RGS12: variants seen among roughly 807,000 people sequenced by gnomAD.
RGS12 encodes regulator of G protein signaling 12, also known as regulator of G-protein signaling 12.
RGS12 carries 66 observed loss-of-function variants against 120.1 expected under a neutral mutation model. The ratio of observed to expected loss-of-function variants is 0.55; its 90% CI spans 0.45 to 0.67. The LOEUF is 0.67. Among genes scored for constraint, RGS12 ranks in the 30% least tolerant of loss-of-function variants. RGS12 has a pLI of 0.00. For synonymous variants in RGS12, 827 were observed against 804.7 expected (o/e 1.03, Z -0.47); for missense variants, 1,859 against 1,957.7 (o/e 0.95, Z 0.95).
chr4:3,386,459 A>G (rs775361867), intron 4 of RGS12, 22 bp downstream of exon 4: 2 of 1,593,930 alleles, frequency 1.3e-6, no homozygotes, highest in Non-Finnish European at 1.7e-6. Flanking sequence ...TTTCTGATGT[A>G]TATATTTTTT....
chr4:3,437,018 G>C (rs999640419), intron 17 of RGS12, among the ~76,000 whole-genome samples: 1 of 152,202 alleles, frequency 6.6e-6, no homozygotes, highest in Non-Finnish European at 1.5e-5. Context: ...CCCTCTGGAG[G>C]TGGTGCAGGC....
intron 13 of RGS12, 60 bp from the exon 14 acceptor site, chr4:3,425,404 C>A: frequency 2.1e-6 from 3 of 1,439,784 alleles, no homozygotes; most frequent in Non-Finnish European, 2.9e-6. Flanking sequence ...TGGGATCACA[C>A]ACATCTGTTC....
chr4:3,317,044 G>A lies in RGS12; in HGVS notation c.874G>A (p.Ala292Thr), dbSNP rs773699575. 3 of 1,613,568 alleles carry A rather than the reference G, an allele frequency of 1.9e-6. No individual in the cohort carries two copies. The highest frequency in any genetic ancestry group is 2.7e-5 in the African/African-American group (2 of 74,958). Residue 292 changes from alanine (A) to threonine (T), a missense_variant, in exon 2 of 18, where the codon GCC (alanine) becomes ACC (threonine). Around this residue, in one of 3 missense-constraint regions of RGS12, gnomAD observed 967 missense variants for 994.2 expected, o/e 0.97. Transcript: ENST00000336727. ...QLSTDKAGVV[A>T]EYPAEKLAFS... Reference sequence around the variant, plus strand: ...GAGCACTGACAAGGCTGGAGTCGTGGCCGAGTACCCGGCCGAGAAGCTGGC... The same window carrying A: ...GAGCACTGACAAGGCTGGAGTCGTGACCGAGTACCCGGCCGAGAAGCTGGC...
intron 3 of RGS12, among the ~76,000 whole-genome samples, chr4:3,363,454 G>A (rs1715934449): frequency 6.6e-6 from 1 of 151,990 alleles, no homozygotes; most frequent in African/African-American, 2.4e-5. Flanking sequence ...CAGGCCTTGT[G>A]GTTAGTTGAC....
chr4:3,432,416 T>C (rs889681431), intron 17 of RGS12, among the ~76,000 whole-genome samples: 4 of 152,138 alleles, frequency 2.6e-5, no homozygotes, highest in African/African-American at 9.7e-5. Context: ...TGGCGGGTGC[T>C]GAGATGAGCT....
chr4:3,309,642 G>GTTGAGGAGGAGC (rs1560645845), intron 1 of RGS12, among the ~76,000 whole-genome samples: 1 of 125,738 alleles, frequency 8.0e-6, no homozygotes, highest in Non-Finnish European at 1.7e-5. Context: ...GGGGAACCGT[G>GTTGAGGAGGAGC]TGGGGGAGGA....
intron 2 of RGS12, among the ~76,000 whole-genome samples, chr4:3,340,773 G>GGTGCAGGCCC (rs1246136779): frequency 2.0e-5 from 3 of 151,732 alleles, no homozygotes; most frequent in Admixed American, 2.0e-4. Context: ...GGTGCAGGCC[G>GGTGCAGGCCC]GTGCAGGCCA....
intron 2 of RGS12, among the ~76,000 whole-genome samples, chr4:3,338,579 C>T (rs1052727907): frequency 3.3e-5 from 5 of 152,186 alleles, no homozygotes; most frequent in East Asian, 3.9e-4. Flanking sequence ...TCCCTGAAGC[C>T]GGCTGGCTCA....
intron 1 of RGS12, 21 bp from the exon 2 acceptor site, chr4:3,316,049 C>T: frequency 2.2e-6 from 2 of 906,672 alleles, no homozygotes; most frequent in East Asian, 2.5e-5. Context: ...TAATAATGAG[C>T]TGTTCGTTTT....
chr4:3,341,031 T>C (rs1184535288), intron 2 of RGS12, among the ~76,000 whole-genome samples: 1 of 151,430 alleles, frequency 6.6e-6, no homozygotes, highest in Non-Finnish European at 1.5e-5. Context: ...TAGAGCCTTC[T>C]CTCGGCCTGG....
At chr4:3,357,963 A>G (rs79081785) in intron 3 of RGS12, among the ~76,000 whole-genome samples, 80 of 152,308 alleles carry the variant, frequency 5.3e-4, no homozygotes, top group African/African-American at 1.9e-3. Context: ...TCTTAACTAT[A>G]TCAAGTCTGT....
intron 15 of RGS12, 164 bp downstream of exon 15, chr4:3,428,333 C>T: frequency 1.2e-6 from 1 of 818,106 alleles, no homozygotes. Context: ...CCAGCTCCCT[C>T]TTACCTGTGA....
intron 4 of RGS12, among the ~76,000 whole-genome samples, chr4:3,405,262 C>T (rs1023846062): frequency 2.0e-5 from 3 of 152,198 alleles, no homozygotes; most frequent in Non-Finnish European, 2.9e-5. Context: ...GAAACGACAG[C>T]GGACAAATCT....
At chr4:3,436,014 G>A (rs977659668) in intron 17 of RGS12, among the ~76,000 whole-genome samples, 13 of 152,102 alleles carry the variant, frequency 8.5e-5, no homozygotes, top group Non-Finnish European at 1.5e-5. Context: ...CCTGCTGGGC[G>A]CTGTCCACTC....
chr4:3,376,247 AACACACACACACACACACACACAC>A (rs55666879), intron 3 of RGS12, among the ~76,000 whole-genome samples: 11 of 143,490 alleles, frequency 7.7e-5, no homozygotes, highest in South Asian at 4.6e-4. Context: ...AGCTCCTTGG[AACACACACACACACACACACACAC>A]ACACACACAC....
At chr4:3,300,677 C>T (rs1723636379) in intron 1 of RGS12, among the ~76,000 whole-genome samples, 1 of 152,212 alleles carries the variant, frequency 6.6e-6, no homozygotes, top group African/African-American at 2.4e-5. Flanking sequence ...TCCAGGGCTC[C>T]CGGCATTGCT....
At position 3,390,629 on chromosome 4, in the gene RGS12, G is replaced by A. The variant is rs555628132; in HGVS notation, c.2020+4192G>A. On this transcript the variant is annotated intron_variant, in intron 4 of 17. Transcript: ENST00000336727. The surrounding 1 kb of genome is among the most constrained non-coding windows in gnomAD (Gnocchi z 4.6). ...CTTCCAGTGCCTTCACCCAACACGC[G>A]GGCCTTTGGAGCTCAGACCTGGCCA... Among the ~76,000 whole-genome samples, 19 of 152,298 alleles carry A rather than the reference G, an allele frequency of 1.2e-4. No homozygotes were observed. The South Asian group carries it at 3.7e-3, about 30-fold the overall frequency.
intron 4 of RGS12, among the ~76,000 whole-genome samples, chr4:3,391,732 G>A (rs1389334211): frequency 2.1e-5 from 3 of 142,560 alleles, no homozygotes; most frequent in African/African-American, 3.1e-5. Flanking sequence ...GTGTTTGGGG[G>A]CCTCGTCAGA....
At chr4:3,388,938 G>A (rs1037749385) in intron 4 of RGS12, among the ~76,000 whole-genome samples, 4 of 152,356 alleles carry the variant, frequency 2.6e-5, no homozygotes, top group Non-Finnish European at 4.4e-5. Flanking sequence ...GTTGGCTTGG[G>A]GAGCAATCTG....
Sources: gnomAD v4.1 joint callset for allele counts (sites outside exome capture counted in the v4.1 genomes callset) on GRCh38, gnomAD v4.1.1 for gene constraint, gnomAD v4.1.1 regional missense constraint, Gnocchi (gnomAD v3.1) non-coding constraint, MANE v1.5 for transcripts, NCBI Gene and HGNC (gene_info 2026-07-23, HGNC 2026-07-21) for gene names.